The following NRG3 variants were observed in gnomAD, a reference collection of about 807,000 sequenced individuals.
NRG3 encodes the protein neuregulin 3.
NRG3 carries 31 observed loss-of-function variants against 66.9 expected under a neutral mutation model. That is an observed-to-expected ratio of 0.46 (90% CI 0.35 to 0.63). The LOEUF is 0.63. Ranked by LOEUF, NRG3 falls within the 20% of genes least tolerant of loss-of-function variation. NRG3 has a pLI of 0.00. For synonymous variants in NRG3, 393 were observed against 359.4 expected, an observed-to-expected ratio of 1.09 and a Z score of -1.06; for missense variants, 910 against 878.9, an observed-to-expected ratio of 1.04 and a Z score of -0.45.
At chr10:82,349,865 C>T (rs923855665) in intron 1 of NRG3, among the ~76,000 whole-genome samples, 2 of 152,130 alleles carry the variant, frequency 1.3e-5, no homozygotes, top group Admixed American at 6.5e-5. Context: ...GACTCAGAAA[C>T]GGAACTCCCT....
chr10:82,159,477 G>A (rs569457933), intron 1 of NRG3, among the ~76,000 whole-genome samples: 1 of 151,946 alleles, frequency 6.6e-6, no homozygotes, highest in Admixed American at 6.6e-5. Flanking sequence ...TTTCATTCCG[G>A]AATCAGTTTC....
At chr10:82,591,652 G>A (rs1484046244) in intron 2 of NRG3, among the ~76,000 whole-genome samples, 2 of 152,126 alleles carry the variant, frequency 1.3e-5, no homozygotes, top group African/African-American at 4.8e-5. Context: ...TTAGCCTTAT[G>A]TTTAAAATTA....
intron 1 of NRG3, among the ~76,000 whole-genome samples, chr10:82,263,402 AT>A (rs1280399719): frequency 1.3e-5 from 2 of 152,148 alleles, no homozygotes; most frequent in Non-Finnish European, 2.9e-5. Context: ...TCTATTGAAC[AT>A]TTTTATCCTC....
chr10:81,980,419 AAAGT>A (rs2060291924), intron 1 of NRG3, among the ~76,000 whole-genome samples: 1 of 152,230 alleles, frequency 6.6e-6, no homozygotes, highest in African/African-American at 2.4e-5. Context: ...AATAAGAGTA[AAAGT>A]AACTTATAAA....
chr10:82,783,728 A>G (rs1445575136), intron 3 of NRG3, among the ~76,000 whole-genome samples: 2 of 152,182 alleles, frequency 1.3e-5, no homozygotes, highest in Non-Finnish European at 2.9e-5. Flanking sequence ...AAATGGAAGA[A>G]CATTCCATGC....
At chr10:82,668,184 C>A (rs1377474751) in intron 2 of NRG3, among the ~76,000 whole-genome samples, 7 of 152,054 alleles carry the variant, frequency 4.6e-5, no homozygotes, top group Non-Finnish European at 1.5e-5. Context: ...ATTTTCAAAG[C>A]CCTTTGAGGC....
chr10:82,409,251 T>A (rs956925364), intron 2 of NRG3, among the ~76,000 whole-genome samples: 2 of 152,214 alleles, frequency 1.3e-5, no homozygotes, highest in African/African-American at 4.8e-5. Flanking sequence ...GAACACTTCA[T>A]TAATATATTT....
At chr10:82,399,206 C>T (rs1378436607) in intron 2 of NRG3, among the ~76,000 whole-genome samples, 2 of 152,070 alleles carry the variant, frequency 1.3e-5, no homozygotes, top group Non-Finnish European at 2.9e-5. Flanking sequence ...ACATAAAAGA[C>T]CAAAATGACT....
chr10:82,671,162 T>C (rs571090270), intron 2 of NRG3, among the ~76,000 whole-genome samples: 1 of 152,294 alleles, frequency 6.6e-6, no homozygotes, highest in South Asian at 2.1e-4. Context: ...GGAAAACCCA[T>C]CATGCTTCAG....
intron 2 of NRG3, among the ~76,000 whole-genome samples, chr10:82,733,167 C>G (rs2058000593): frequency 1.3e-5 from 2 of 152,106 alleles, no homozygotes; most frequent in African/African-American, 2.4e-5. Context: ...TGTATACCTT[C>G]TATAGCATTT....
intron 2 of NRG3, among the ~76,000 whole-genome samples, chr10:82,627,229 A>C (rs765439679): frequency 6.6e-6 from 1 of 152,122 alleles, no homozygotes; most frequent in African/African-American, 2.4e-5. Context: ...TCTTCAGGGC[A>C]TGGAGGCTGA....
intron 2 of NRG3, among the ~76,000 whole-genome samples, chr10:82,709,258 T>C (rs2056504748): frequency 6.6e-6 from 1 of 152,214 alleles, no homozygotes; most frequent in Non-Finnish European, 1.5e-5. Context: ...CTCATGCATC[T>C]TGACAGACAG....
At chr10:82,258,103 T>G (rs958088520) in intron 1 of NRG3, among the ~76,000 whole-genome samples, 25 of 152,222 alleles carry the variant, frequency 1.6e-4, no homozygotes, top group African/African-American at 6.0e-4. Context: ...GTAACCGCTT[T>G]GTTATTTAAT....
At chr10:82,298,298 G>C (rs1176012928) in intron 1 of NRG3, among the ~76,000 whole-genome samples, 2 of 151,362 alleles carry the variant, frequency 1.3e-5, no homozygotes, top group African/African-American at 4.9e-5. Context: ...AAGGAAGGAA[G>C]GAAGGTGTGG....
chr10:82,646,198 G>C (rs532403316), intron 2 of NRG3, among the ~76,000 whole-genome samples: 28 of 152,160 alleles, frequency 1.8e-4, no homozygotes, highest in Admixed American at 7.2e-4. Context: ...GAGAAACATC[G>C]TAAACAAAAG....
chr10:82,857,778 A>G (rs74916080), intron 3 of NRG3, among the ~76,000 whole-genome samples: 1,706 of 152,314 alleles, frequency 0.011, 26 homozygotes, highest in African/African-American at 0.039. Context: ...TTAAATATAC[A>G]TGCCCACAAA....
intron 1 of NRG3, among the ~76,000 whole-genome samples, chr10:82,107,019 G>A (rs1342938709): frequency 6.6e-6 from 1 of 152,170 alleles, no homozygotes; most frequent in East Asian, 1.9e-4. Context: ...CATGAGAGGA[G>A]CTAGACATGG....
At chr10:82,390,321 C>A (rs1215119037) in intron 2 of NRG3, among the ~76,000 whole-genome samples, 1 of 151,614 alleles carries the variant, frequency 6.6e-6, no homozygotes, top group African/African-American at 2.4e-5. Context: ...GAGTTAAAGT[C>A]AAGTTTGTTT....
At chr10:82,256,280 A>G (rs1321745788) in intron 1 of NRG3, among the ~76,000 whole-genome samples, 1 of 152,180 alleles carries the variant, frequency 6.6e-6, no homozygotes, top group East Asian at 1.9e-4. Flanking sequence ...CATCATCATC[A>G]TCATCCACTT....
Sources: allele counts gnomAD v4.1 joint callset (sites outside exome capture counted in the v4.1 genomes callset), GRCh38; gene constraint gnomAD v4.1.1; transcripts MANE v1.5; gene names NCBI Gene and HGNC (gene_info 2026-07-23, HGNC 2026-07-21).